Variants in ESRRG observed in about 807,000 individuals in gnomAD.
ESRRG encodes estrogen-related receptor gamma.
Under a neutral mutation model 44.0 loss-of-function variants are expected in ESRRG, and 13 were observed. That is an observed-to-expected ratio of 0.30 (90% CI 0.19 to 0.47). ESRRG has a LOEUF of 0.47. Among genes scored for constraint, ESRRG ranks in the 20% least tolerant of loss-of-function variants. The pLI is 1.00. For missense variants in ESRRG, 395 were observed against 580.6 expected (o/e 0.68, Z 3.29); for synonymous variants, 215 against 214.6 (o/e 1.00, Z -0.02).
chr1:216,957,942 A>G (rs773019768), intron 1 of ESRRG, among the ~76,000 whole-genome samples: 5 of 152,160 alleles, frequency 3.3e-5, no homozygotes, highest in African/African-American at 1.2e-4. Context: ...TGTCCACTCA[A>G]TCGCCTCCCA....
chr1:216,559,769 C>T (rs2058355485), intron 5 of ESRRG, among the ~76,000 whole-genome samples: 1 of 152,058 alleles, frequency 6.6e-6, no homozygotes, highest in Non-Finnish European at 1.5e-5. Flanking sequence ...ATGAAACCTC[C>T]ATAATTTTGC....
intron 1 of ESRRG, among the ~76,000 whole-genome samples, chr1:217,024,174 C>T (rs772597485): frequency 3.0e-4 from 45 of 151,864 alleles, no homozygotes; most frequent in Non-Finnish European, 1.0e-4. Flanking sequence ...CTGGCTAACA[C>T]GGTGAAACCC....
chr1:216,678,872 C>A (rs2076552528), intron 1 of ESRRG, among the ~76,000 whole-genome samples: 1 of 152,198 alleles, frequency 6.6e-6, no homozygotes, highest in Admixed American at 6.5e-5. Flanking sequence ...ATCTCTTTCA[C>A]TATAAATCTA....
In ESRRG at chr1:216,948,075, GAA is replaced by G. The variant is rs567814636; in HGVS notation, c.-105-8404_-105-8403del. On this transcript the variant is annotated intron_variant, in intron 1 of 7. Coordinates refer to the ESRRG transcript ENST00000359162. ...TCACCCCAATCAGGAATACCCATTA[GAA>G]ACTTTATGTGAAGGAAAAATTAACT... 5.3e-3 allele frequency among the ~76,000 whole-genome samples: 803 copies of G among 152,248 alleles called. 8 individuals are homozygous for G. Among genetic ancestry groups the G allele is most frequent in the African/African-American group, 0.019 (791 of 41,538 alleles).
intron 1 of ESRRG, among the ~76,000 whole-genome samples, chr1:216,694,588 G>C (rs550591888): frequency 4.6e-5 from 7 of 150,732 alleles, no homozygotes; most frequent in Admixed American, 2.7e-4. Flanking sequence ...ACACAGTCTC[G>C]ATCTGTCACC....
chr1:216,957,937 A>G (rs1197632158), intron 1 of ESRRG, among the ~76,000 whole-genome samples: 1 of 152,104 alleles, frequency 6.6e-6, no homozygotes, highest in African/African-American at 2.4e-5. Context: ...GATCCTGTCC[A>G]CTCAATCGCC....
intron 2 of ESRRG, among the ~76,000 whole-genome samples, chr1:216,934,482 T>C (rs148755481): frequency 1.3e-5 from 2 of 151,852 alleles, no homozygotes; most frequent in African/African-American, 4.8e-5. Context: ...AAGAAAAGGT[T>C]TAATGGACTC....
chr1:216,727,978 A>G (rs77302796), upstream of ESRRG, among the ~76,000 whole-genome samples: 2,087 of 152,306 alleles, frequency 0.014, 41 homozygotes, highest in African/African-American at 0.047. Context: ...GGATTATTTC[A>G]CCTTCGTTTT....
intron 3 of ESRRG, among the ~76,000 whole-genome samples, chr1:216,595,765 A>T (rs66461416): frequency 0.045 from 6,871 of 152,274 alleles, 238 homozygotes; most frequent in African/African-American, 0.1. Flanking sequence ...TCCCTCAAAG[A>T]CCCTGGGATC....
intron 1 of ESRRG, among the ~76,000 whole-genome samples, chr1:217,065,415 C>A (rs1441801893): frequency 6.6e-6 from 1 of 152,188 alleles, no homozygotes; most frequent in Non-Finnish European, 1.5e-5. Flanking sequence ...TAAAGGTGTT[C>A]TTGGAGAATC....
chr1:216,627,715 C>A (rs1159400900), intron 3 of ESRRG, among the ~76,000 whole-genome samples: 1 of 152,108 alleles, frequency 6.6e-6, no homozygotes, highest in African/African-American at 2.4e-5. Context: ...AAATAAAAGG[C>A]AAATGATTAT....
intron 1 of ESRRG, among the ~76,000 whole-genome samples, chr1:217,036,296 C>A (rs1021243433): frequency 2.0e-5 from 3 of 152,138 alleles, no homozygotes; most frequent in Admixed American, 6.5e-5. Context: ...TTTGACCCAG[C>A]AATCCCATTA....
At chr1:217,133,488 G>A (rs553636145) in intron 1 of ESRRG, among the ~76,000 whole-genome samples, 46 of 152,238 alleles carry the variant, frequency 3.0e-4, no homozygotes, top group Non-Finnish European at 5.9e-4. Flanking sequence ...TTTGGGGATG[G>A]GGTATCTAAA....
intron 1 of ESRRG, among the ~76,000 whole-genome samples, chr1:216,691,569 A>G (rs1363466985): frequency 1.3e-5 from 2 of 152,210 alleles, no homozygotes; most frequent in Non-Finnish European, 2.9e-5. Context: ...AGCATTTAGT[A>G]TTAAGGAGAA....
At chr1:216,616,065 G>T (rs1558829753) in intron 3 of ESRRG, among the ~76,000 whole-genome samples, 1 of 152,102 alleles carries the variant, frequency 6.6e-6, no homozygotes, top group South Asian at 2.1e-4. Context: ...CTATAGCCAG[G>T]ATAAAGCATC....
intron 2 of ESRRG, among the ~76,000 whole-genome samples, chr1:216,741,409 C>A (rs2090704807): frequency 6.6e-6 from 1 of 150,758 alleles, no homozygotes; most frequent in East Asian, 1.9e-4. Context: ...ACCTCACAAC[C>A]CCTTTCTAAC....
chr1:216,734,904 C>CT (rs11309409), intron 2 of ESRRG, among the ~76,000 whole-genome samples: 30,213 of 100,264 alleles, frequency 0.3, 5,462 homozygotes, highest in East Asian at 0.5. Flanking sequence ...GTTCCATATT[C>CT]TTTTTTTTTT....
chr1:216,552,742 C>T (rs2056686727), intron 5 of ESRRG, among the ~76,000 whole-genome samples: 1 of 152,132 alleles, frequency 6.6e-6, no homozygotes, highest in Admixed American at 6.5e-5. Flanking sequence ...GCCATTCCAG[C>T]TCTATCATCC....
chr1:216,873,209 G>GTTTTTTT lies in ESRRG; in HGVS notation c.-14+66366_-14+66372dup, dbSNP rs754735743. Among the ~76,000 whole-genome samples the GTTTTTTT allele has an allele frequency of 5.7e-3, 604 of 105,914 alleles. 33 individuals carry two copies. Among genetic ancestry groups the GTTTTTTT allele is most frequent in the African/African-American group, 0.018 (481 of 26,066 alleles). The allele number at this position is 105,914 out of a possible 152,430, so 69.5% of individuals were successfully genotyped here. ...CCAGGAGTTCATAAACATCTTTTCA[G>GTTTTTTT]TTTTTTTTTTTTTTTTTTTTTGACA... On this transcript the variant is annotated intron_variant, in intron 2 of 7. Coordinates refer to the ESRRG transcript ENST00000359162.
Sources: gnomAD v4.1 joint callset for allele counts (sites outside exome capture counted in the v4.1 genomes callset) on GRCh38, gnomAD v4.1.1 for gene constraint, MANE v1.5 for transcripts, NCBI Gene and HGNC (gene_info 2026-07-23, HGNC 2026-07-21) for gene names.